The following KLF12 variants were observed in gnomAD, a reference collection of about 807,000 sequenced individuals.
The protein encoded by KLF12 is KLF transcription factor 12.
Under a neutral mutation model 37.8 loss-of-function variants are expected in KLF12, and 9 were observed. The ratio of observed to expected loss-of-function variants is 0.24; its 90% CI spans 0.14 to 0.42. KLF12 has a LOEUF of 0.42. Among genes scored for constraint, KLF12 ranks in the 10% least tolerant of loss-of-function variants. The pLI is 1.00. For missense variants in KLF12, 411 were observed against 516.0 expected, an observed-to-expected ratio of 0.80 and a Z score of 1.97; for synonymous variants, 208 against 202.1, an observed-to-expected ratio of 1.03 and a Z score of -0.25.
At chr13:74,214,594 T>A in the KLF12 span, among the ~76,000 whole-genome samples, 4 of 152,144 alleles carry the variant, frequency 2.6e-5, no homozygotes, top group Admixed American at 2.6e-4. Flanking sequence ...ATTATCATCG[T>A]CTATCTTCAG....
the KLF12 span, among the ~76,000 whole-genome samples, chr13:74,198,211 C>T: frequency 5.1e-4 from 77 of 152,114 alleles, 3 homozygotes; most frequent in East Asian, 0.011. Context: ...GAGACCCAGG[C>T]GGGGAAAGAA....
chr13:74,214,244 T>G, the KLF12 span, among the ~76,000 whole-genome samples: 145 of 143,126 alleles, frequency 1.0e-3, 1 homozygote, highest in African/African-American at 3.4e-3. Flanking sequence ...ATTCTGCCCC[T>G]CCCCAGCCCA....
chr13:73,909,551 G>C (rs557713062), intron 3 of KLF12, among the ~76,000 whole-genome samples: 4 of 152,106 alleles, frequency 2.6e-5, no homozygotes, highest in African/African-American at 9.6e-5. Flanking sequence ...CACCATCCTG[G>C]CCACATATAC....
chr13:74,160,038 C>G, the KLF12 span, among the ~76,000 whole-genome samples: 1 of 146,512 alleles, frequency 6.8e-6, no homozygotes, highest in East Asian at 2.0e-4. Context: ...ACTTTTCCAA[C>G]TAGTCCAAGT....
intron 6 of KLF12, among the ~76,000 whole-genome samples, chr13:73,756,605 G>A (rs1297812038): frequency 6.6e-6 from 1 of 152,138 alleles, no homozygotes; most frequent in South Asian, 2.1e-4. Context: ...CTACCCTTAC[G>A]AGAGCTTTCA....
intron 1 of KLF12, among the ~76,000 whole-genome samples, chr13:74,074,477 C>A (rs572760926): frequency 1.3e-5 from 2 of 152,112 alleles, no homozygotes; most frequent in African/African-American, 4.8e-5. Flanking sequence ...CTGATCTTAC[C>A]CAAAACTCCA....
At chr13:73,879,840 C>T (rs1886895030) in intron 3 of KLF12, among the ~76,000 whole-genome samples, 1 of 152,194 alleles carries the variant, frequency 6.6e-6, no homozygotes, top group Admixed American at 6.5e-5. Flanking sequence ...GCACTACCTA[C>T]TCAGCAGAGC....
At chr13:74,224,569 T>A in the KLF12 span, among the ~76,000 whole-genome samples, 1 of 152,190 alleles carries the variant, frequency 6.6e-6, no homozygotes, top group Non-Finnish European at 1.5e-5. Context: ...TCTTCCTCAG[T>A]TTTATTACAT....
chr13:73,899,604 T>C lies in KLF12; in HGVS notation c.123+44377A>G, dbSNP rs76165467. 5.6e-3 allele frequency among the ~76,000 whole-genome samples: 848 copies of C among 152,164 alleles called. 6 individuals carry two copies. Among genetic ancestry groups the C allele is most frequent in the African/African-American group, 0.019 (790 of 41,496 alleles). ...CATGAAAGACTGACATTTGAATCAG[T>C]GGACTGAGAAGGAAGATCCGCACTT... On this transcript the variant is annotated intron_variant, in intron 3 of 7. Transcript: ENST00000377669.
intron 3 of KLF12, among the ~76,000 whole-genome samples, chr13:73,877,103 TA>T (rs1264295524): frequency 3.3e-5 from 5 of 152,214 alleles, no homozygotes; most frequent in African/African-American, 1.2e-4. Context: ...TGGGAAATTA[TA>T]CATTGAACCT....
chr13:73,801,806 A>C (rs908460704), intron 5 of KLF12: 2 of 152,168 alleles, frequency 1.3e-5, no homozygotes. Context: ...TAAAAGTAGG[A>C]AAAATAAATA....
intron 1 of KLF12, among the ~76,000 whole-genome samples, chr13:74,086,584 C>G (rs1434027635): frequency 6.6e-6 from 1 of 152,016 alleles, no homozygotes; most frequent in Non-Finnish European, 1.5e-5. Flanking sequence ...TGATCACTTG[C>G]TAGCATTTTT....
chr13:74,205,495 G>T, the KLF12 span, among the ~76,000 whole-genome samples: 1 of 152,100 alleles, frequency 6.6e-6, no homozygotes, highest in Non-Finnish European at 1.5e-5. Flanking sequence ...TCCTACTCAA[G>T]TGTATTGAGT....
intron 2 of KLF12, among the ~76,000 whole-genome samples, chr13:73,974,289 T>G (rs1352262873): frequency 1.4e-5 from 2 of 143,260 alleles, no homozygotes; most frequent in Admixed American, 7.1e-5. Context: ...AGTTATATCC[T>G]TAAGTCACTG....
the KLF12 span, among the ~76,000 whole-genome samples, chr13:74,242,243 A>G: frequency 6.6e-6 from 1 of 152,184 alleles, no homozygotes; most frequent in East Asian, 1.9e-4. Context: ...TGACATGTGT[A>G]TTAGTCTGTC....
chr13:73,716,936 T>C (rs953411573), intron 6 of KLF12, among the ~76,000 whole-genome samples: 8 of 152,172 alleles, frequency 5.3e-5, no homozygotes, highest in African/African-American at 1.9e-4. Flanking sequence ...CTGGCATAAC[T>C]TTTTTTATTA....
At chr13:73,927,724 C>T (rs9530260) in intron 3 of KLF12, among the ~76,000 whole-genome samples, 3 of 150,280 alleles carry the variant, frequency 2.0e-5, no homozygotes, top group Non-Finnish European at 4.4e-5. Flanking sequence ...ACTACAGGTG[C>T]GTGCCACCAC....
At chr13:73,832,859 A>T (rs1405442420) in intron 4 of KLF12, among the ~76,000 whole-genome samples, 1 of 152,252 alleles carries the variant, frequency 6.6e-6, no homozygotes, top group East Asian at 1.9e-4. Context: ...ATCAGCTTTT[A>T]AATCAAAACA....
chr13:73,712,685 C>T (rs572328318), intron 7 of KLF12, among the ~76,000 whole-genome samples: 71 of 152,266 alleles, frequency 4.7e-4, no homozygotes, highest in African/African-American at 1.7e-3. Flanking sequence ...AACTTTATTG[C>T]TGTCTTAAGA....
Sources: allele counts gnomAD v4.1 joint callset (sites outside exome capture counted in the v4.1 genomes callset), GRCh38; gene constraint gnomAD v4.1.1; transcripts MANE v1.5; gene names NCBI Gene and HGNC (gene_info 2026-07-23, HGNC 2026-07-21).